MYO7A: variants seen among roughly 807,000 people sequenced by gnomAD.
MYO7A encodes unconventional myosin-VIIa.
MYO7A carries 210 observed loss-of-function variants against 263.8 expected under a neutral mutation model. That is an observed-to-expected ratio of 0.80 (90% CI 0.71 to 0.89). The LOEUF (loss-of-function observed/expected upper bound fraction) is 0.89, where lower values mean the gene tolerates loss of function less well. Among genes scored for constraint, MYO7A ranks in the 40% least tolerant of loss-of-function variants. MYO7A has a pLI of 0.00. For missense variants in MYO7A, 2,820 were observed against 2,968.3 expected (o/e 0.95, Z 1.16); for synonymous variants, 1,239 against 1,197.3 (o/e 1.03, Z -0.72).
At chr11:77,169,491 C>G (rs370308931) in intron 15 of MYO7A, among the ~76,000 whole-genome samples, 2 of 152,230 alleles carry the variant, frequency 1.3e-5, no homozygotes, top group African/African-American at 4.8e-5. Context: ...TGGGGTCTTC[C>G]TCTCAGATCC....
At chr11:77,178,282 C>T (rs1482331665) in intron 19 of MYO7A, among the ~76,000 whole-genome samples, 1 of 149,376 alleles carries the variant, frequency 6.7e-6, no homozygotes, top group African/African-American at 2.5e-5. Flanking sequence ...GTCACTCATC[C>T]ATCCACCTAT....
At chr11:77,174,714 C>A (rs1555078768) in intron 16 of MYO7A, 42 bp from the exon 17 acceptor site, 1 of 1,539,874 alleles carries the variant, frequency 6.5e-7, no homozygotes, top group South Asian at 1.2e-5. Context: ...TGCCTCCCAG[C>A]AGGAGCCTTG....
At chr11:77,184,549 C>A in intron 26 of MYO7A, 39 bp from the exon 27 acceptor site, 2 of 1,537,422 alleles carry the variant, frequency 1.3e-6, no homozygotes, top group Non-Finnish European at 1.8e-6. Context: ...AGGGGAACAC[C>A]CCTAACTTTA....
Position 77,201,583 on chromosome 11 carries a change from CCACCGACAGTGTGT to C in MYO7A, c.4989_5002del (p.Thr1664ArgfsTer52). ...AGGACCAAGCAGCGTGGGGACTTCC[CCACCGACAGTGTGT>C]ACGTCATGCCCACTGTCACCATGCC... On this transcript the variant is annotated frameshift_variant, in exon 36 of 49. Coordinates refer to ENST00000409709, the MANE Select transcript of MYO7A (RefSeq NM_000260.4). LOFTEE classifies it high-confidence loss of function. 1 of 1,613,886 alleles carries C rather than the reference CCACCGACAGTGTGT, an allele frequency of 6.2e-7. No individual in the cohort carries two copies. The highest frequency in any genetic ancestry group is 8.5e-7 in the Non-Finnish European group (1 of 1,179,870).
intron 32 of MYO7A, 62 bp from the exon 33 acceptor site, chr11:77,197,419 G>A: frequency 7.5e-7 from 1 of 1,333,016 alleles, no homozygotes; most frequent in South Asian, 1.4e-5. Flanking sequence ...AGCAGCAGCT[G>A]ATTTTTAGAG....
At chr11:77,202,921 G>T in intron 37 of MYO7A, 139 bp from the exon 38 acceptor site, 1 of 1,095,834 alleles carries the variant, frequency 9.1e-7, no homozygotes, top group Non-Finnish European at 1.3e-6. Flanking sequence ...CACATGCAGG[G>T]CAGGGAAGAG....
intron 4 of MYO7A, among the ~76,000 whole-genome samples, chr11:77,150,596 G>A (rs1555056652): frequency 1.3e-5 from 2 of 152,088 alleles, no homozygotes; most frequent in African/African-American, 2.4e-5. Flanking sequence ...CTTATTTTCT[G>A]GGCGAGAGGG....
In MYO7A at chr11:77,190,801, C is replaced by A. The variant is rs750763506; in HGVS notation, c.3855C>A (p.Asn1285Lys). The change falls in exon 30 of 49, where the codon AAC becomes AAA. Residue 1285 changes from asparagine (N) to lysine (K), a missense_variant. Transcript: ENST00000409709. ...DSATTAKELC[N>K]ALADKISLKD... Reference sequence around the variant, plus strand: ...CAACCACGGCCAAGGAGCTCTGCAACGCGCTGGCCGACAAGATCTCTCTCA... The same window carrying A: ...CAACCACGGCCAAGGAGCTCTGCAAAGCGCTGGCCGACAAGATCTCTCTCA... The A allele has an allele frequency of 6.3e-7, 1 of 1,592,316 alleles. No individual in the cohort carries two copies. Among genetic ancestry groups the A allele is most frequent in the Non-Finnish European group, 8.5e-7 (1 of 1,169,840 alleles).
chr11:77,182,473 C>T lies in MYO7A; in HGVS notation c.3158C>T (p.Pro1053Leu). Residue 1053 changes from proline (P) to leucine (L), a missense_variant, in exon 25 of 49, where the codon CCT becomes CTT. Transcript: ENST00000409709. ...ATCCTCCGCTTCATGGGGGACCTCC[C>T]TGAGCCCAAGTACCACACAGCCATG... Reference protein sequence around the residue: ...ITILRFMGDLPEPKYHTAMSD... With the variant: ...ITILRFMGDLLEPKYHTAMSD... The T allele has an allele frequency of 2.5e-6, 4 of 1,610,394 alleles. No homozygotes were observed. Among genetic ancestry groups the T allele is most frequent in the Non-Finnish European group, 3.4e-6 (4 of 1,179,822 alleles).
intron 25 of MYO7A, 75 bp downstream of exon 25, chr11:77,182,675 GCTCCTCTGC>G: frequency 1.3e-6 from 2 of 1,498,836 alleles, no homozygotes; most frequent in Admixed American, 1.9e-5. Context: ...CCAGCCTTGG[GCTCCTCTGC>G]AGAAAAAGGA....
intron 30 of MYO7A, among the ~76,000 whole-genome samples, chr11:77,191,440 A>G (rs1171854182): frequency 1.3e-5 from 2 of 152,224 alleles, no homozygotes; most frequent in African/African-American, 4.8e-5. Context: ...GTGCTGAAGG[A>G]AGAGCATGGC....
rs111033192 is a variant in MYO7A at position 77,207,370 on chromosome 11, G to A, written c.5824G>A (p.Gly1942Arg). 4.3e-6 allele frequency: 7 copies of A among 1,611,512 alleles called. No individual in the cohort carries two copies. The South Asian group carries it at 6.6e-5, about 15-fold the overall frequency. Residue 1942 changes from glycine (G) to arginine (R), a missense_variant, in exon 42 of 49, where the codon GGA (glycine) becomes AGA (arginine). Transcript: ENST00000409709. ...ATRLLLKSSEGFSLFVKIADK... is the reference protein window; with the variant it reads ...ATRLLLKSSERFSLFVKIADK... ...CAGGCTGCTCCTCAAGTCCTCAGAG[G>A]GATTCAGCCTCTTTGTCAAAATTGC...
intron 28 of MYO7A, 101 bp downstream of exon 28, chr11:77,189,571 A>G: frequency 2.0e-6 from 3 of 1,511,700 alleles, no homozygotes; most frequent in Non-Finnish European, 2.7e-6. Flanking sequence ...GCCTGGTCAC[A>G]AGGCCCACCC....
At chr11:77,183,279 A>C in intron 26 of MYO7A, 122 bp downstream of exon 26, 2 of 786,798 alleles carry the variant, frequency 2.5e-6, no homozygotes, top group East Asian at 3.0e-5. Context: ...GTCTGTCCTC[A>C]GGGGTCTTGG....
At position 77,198,115 on chromosome 11, in the gene MYO7A, C is replaced by T. The variant is rs184245504; in HGVS notation, c.4442-380C>T. ...ACTGGCTCAGCCATCCTCGGGCCAT[C>T]GTTACTGGGCACCTGCTGTGTGCCA... On this transcript the variant is annotated intron_variant, in intron 33 of 48. Transcript: ENST00000409709. Among the ~76,000 whole-genome samples the T allele has an allele frequency of 1.2e-3, 190 of 152,340 alleles. 1 individual carries two copies. The highest frequency in any genetic ancestry group is 1.3e-3 in the Non-Finnish European group (90 of 68,036).
At chr11:77,166,933 T>G (rs1953602718) in intron 15 of MYO7A, among the ~76,000 whole-genome samples, 1 of 152,124 alleles carries the variant, frequency 6.6e-6, no homozygotes, top group South Asian at 2.1e-4. Flanking sequence ...GTGGTTCCTG[T>G]TGTAGTTTCT....
chr11:77,202,268 C>G, intron 36 of MYO7A, 32 bp from the exon 37 acceptor site: 2 of 1,560,604 alleles, frequency 1.3e-6, no homozygotes, highest in Non-Finnish European at 1.7e-6. Flanking sequence ...AGGTAGAGAG[C>G]TGACCTGAGC....
At chr11:77,176,001 C>T (rs1397277572) in intron 18 of MYO7A, among the ~76,000 whole-genome samples, 1 of 152,224 alleles carries the variant, frequency 6.6e-6, no homozygotes, top group South Asian at 2.1e-4. Flanking sequence ...GGAGTCACAG[C>T]CTTGGAGACA....
At chr11:77,174,637 C>A in intron 16 of MYO7A, 119 bp from the exon 17 acceptor site, 1 of 1,047,838 alleles carries the variant, frequency 9.5e-7, no homozygotes, top group Non-Finnish European at 1.4e-6. Flanking sequence ...CAGCTTTGCT[C>A]CTCCCATGCC....
Sources: allele counts gnomAD v4.1 joint callset (sites outside exome capture counted in the v4.1 genomes callset), GRCh38; gene constraint gnomAD v4.1.1; transcripts MANE v1.5; gene names NCBI Gene and HGNC (gene_info 2026-07-23, HGNC 2026-07-21).